GPC3: variants seen among roughly 807,000 people sequenced by gnomAD.
The protein encoded by GPC3 is glypican-3.
GPC3 carries 3 observed loss-of-function variants against 34.4 expected under a neutral mutation model. The ratio of observed to expected loss-of-function variants is 0.09; its 90% CI spans 0.04 to 0.23. The LOEUF is 0.23. GPC3 is among the 10% of genes least tolerant of loss of function. The pLI is 1.00. For synonymous variants in GPC3, 177 were observed against 174.0 expected (o/e 1.02, Z -0.13); for missense variants, 351 against 445.6 (o/e 0.79, Z 1.91).
chrX:133,608,356 A>G (rs2070071453), intron 6 of GPC3, among the ~76,000 whole-genome samples: 1 of 112,160 alleles, frequency 8.9e-6, no homozygotes, highest in Admixed American at 9.4e-5. Context: ...AAAGACATCT[A>G]TGGAACCCCA....
intron 5 of GPC3, among the ~76,000 whole-genome samples, chrX:133,662,302 CTCT>C (rs1353680916): frequency 2.7e-5 from 3 of 111,984 alleles, no homozygotes; most frequent in African/African-American, 9.7e-5. Context: ...CTTCCTTCTC[CTCT>C]TCTTCCTCCT....
chrX:133,642,102 G>C (rs907481963), intron 6 of GPC3, among the ~76,000 whole-genome samples: 1 of 95,795 alleles, frequency 1.0e-5, no homozygotes, highest in East Asian at 4.0e-4. Flanking sequence ...AATGTAAAAC[G>C]GAGGCCACAT....
At chrX:133,796,955 T>C (rs966975052) in intron 2 of GPC3, among the ~76,000 whole-genome samples, 3 of 111,349 alleles carry the variant, frequency 2.7e-5, no homozygotes, top group Non-Finnish European at 3.8e-5. Flanking sequence ...CCCCTCAACA[T>C]CAAGTCTTCT....
At chrX:133,636,642 G>C (rs763981760) in intron 6 of GPC3, among the ~76,000 whole-genome samples, 4 of 112,079 alleles carry the variant, frequency 3.6e-5, no homozygotes, top group African/African-American at 1.3e-4. Context: ...ACTCCAGCCT[G>C]GGCAACAGAG....
chrX:133,605,814 A>T (rs767727022), intron 6 of GPC3, among the ~76,000 whole-genome samples: 1 of 111,693 alleles, frequency 9.0e-6, no homozygotes, highest in African/African-American at 3.3e-5. Context: ...CCTGGGTGGA[A>T]TTTTTGTGGG....
At chrX:133,560,140 C>T (rs1239638349) in intron 7 of GPC3, among the ~76,000 whole-genome samples, 1 of 111,508 alleles carries the variant, frequency 9.0e-6, no homozygotes, top group Non-Finnish European at 1.9e-5. Flanking sequence ...TCCAATGGAC[C>T]GCCTCACCCA....
At chrX:133,603,249 G>T (rs1252996273) in intron 6 of GPC3, among the ~76,000 whole-genome samples, 1 of 109,543 alleles carries the variant, frequency 9.1e-6, no homozygotes, top group Non-Finnish European at 1.9e-5. Context: ...TTTTTTTTGA[G>T]CCGGGGTCTC....
Position 133,910,807 on chromosome X carries a change from C to G in GPC3, c.337+42243G>C, listed in dbSNP as rs146756052. Among the ~76,000 whole-genome samples, 379 of 111,899 alleles carry G rather than the reference C, an allele frequency of 3.4e-3. 2 individuals are homozygous for G. The highest frequency in any genetic ancestry group is 0.012 in the African/African-American group (372 of 30,823). On this transcript the variant is annotated intron_variant, in intron 2 of 7. Transcript: ENST00000370818. ...GGAGCATAGAACATCACATGTAACC[C>G]TAGTTGCTGATCAGATTCTAACTAG...
chrX:133,899,031 T>C (rs1012448196), intron 2 of GPC3, among the ~76,000 whole-genome samples: 1 of 112,057 alleles, frequency 8.9e-6, no homozygotes, highest in Non-Finnish European at 1.9e-5. Context: ...AGTAAACGGC[T>C]CAAAGGCACA....
intron 7 of GPC3, among the ~76,000 whole-genome samples, chrX:133,558,320 T>G (rs2124286318): frequency 9.2e-6 from 1 of 108,490 alleles, no homozygotes; most frequent in East Asian, 2.9e-4. Flanking sequence ...TTTGTCTCAT[T>G]TTTCTCATGC....
intron 2 of GPC3, among the ~76,000 whole-genome samples, chrX:133,825,321 AAAT>A (rs1188050053): frequency 8.9e-6 from 1 of 112,013 alleles, no homozygotes; most frequent in African/African-American, 3.2e-5. Flanking sequence ...TAGCCTTGAA[AAAT>A]AACAGTCTGC....
At chrX:133,647,660 C>T (rs1431755980) in intron 6 of GPC3, among the ~76,000 whole-genome samples, 2 of 111,821 alleles carry the variant, frequency 1.8e-5, no homozygotes, top group Admixed American at 9.5e-5. Flanking sequence ...GGGGCCCCCA[C>T]TCTTCTTTGT....
chrX:133,781,586 G>A (rs911333465), intron 2 of GPC3, among the ~76,000 whole-genome samples: 3 of 112,377 alleles, frequency 2.7e-5, no homozygotes, highest in African/African-American at 9.7e-5. Flanking sequence ...GGCAGAAGGG[G>A]TACATTAGAG....
chrX:133,868,474 C>T (rs1276517932), intron 2 of GPC3, among the ~76,000 whole-genome samples: 2 of 112,410 alleles, frequency 1.8e-5, no homozygotes, highest in Non-Finnish European at 1.9e-5. Flanking sequence ...GGGCAAGGCA[C>T]TGGAACAAAA....
At chrX:133,915,454 C>T (rs1265669647) in intron 2 of GPC3, among the ~76,000 whole-genome samples, 4 of 112,124 alleles carry the variant, frequency 3.6e-5, no homozygotes, top group African/African-American at 9.7e-5. Flanking sequence ...GGATTACAGG[C>T]GTGAGCCACG....
At chrX:133,846,134 GA>G (rs1333407402) in intron 2 of GPC3, among the ~76,000 whole-genome samples, 1 of 112,196 alleles carries the variant, frequency 8.9e-6, no homozygotes, top group Non-Finnish European at 1.9e-5. Context: ...ATAACTGTTT[GA>G]AATTAGTATA....
In GPC3 at chrX:133,894,248, A is replaced by G. The variant is rs767247123; in HGVS notation, c.337+58802T>C. ...TTTGCTCAGGGATCTCTCCTAAGGT[A>G]TAAGTGAGACAGGCACAATGTGCAT... On this transcript the variant is annotated intron_variant, in intron 2 of 7. Coordinates refer to ENST00000370818, the MANE Select transcript of GPC3 (RefSeq NM_004484.4). 2.7e-5 allele frequency among the ~76,000 whole-genome samples: 3 copies of G among 112,210 alleles called. No individual in the cohort carries two copies. The South Asian group carries it at 1.1e-3, about 42-fold the overall frequency.
At chrX:133,640,306 G>A (rs2070468208) in intron 6 of GPC3, among the ~76,000 whole-genome samples, 1 of 111,824 alleles carries the variant, frequency 8.9e-6, no homozygotes, top group Non-Finnish European at 1.9e-5. Flanking sequence ...GTATGTTTAT[G>A]TATTTCCCTG....
intron 2 of GPC3, among the ~76,000 whole-genome samples, chrX:133,886,485 T>G (rs1158381881): frequency 4.5e-5 from 5 of 112,269 alleles, no homozygotes; most frequent in African/African-American, 1.6e-4. Context: ...AGTGATGTTA[T>G]ATGTATATAC....
Sources: gnomAD v4.1 joint callset for allele counts (sites outside exome capture counted in the v4.1 genomes callset) on GRCh38, gnomAD v4.1.1 for gene constraint, MANE v1.5 for transcripts, NCBI Gene and HGNC (gene_info 2026-07-23, HGNC 2026-07-21) for gene names.